ATP8A2: variants seen among roughly 807,000 people sequenced by gnomAD.
ATP8A2 encodes ATPase phospholipid transporting 8A2, also known as phospholipid-transporting ATPase IB.
Under a neutral mutation model 165.6 loss-of-function variants are expected in ATP8A2, and 100 were observed. The observed-to-expected ratio is 0.60, with a 90% confidence interval of 0.51 to 0.71. The LOEUF (loss-of-function observed/expected upper bound fraction) is 0.71. Among genes scored for constraint, ATP8A2 ranks in the 30% least tolerant of loss-of-function variants. The pLI, the probability that ATP8A2 is intolerant of heterozygous loss-of-function variation, is 0.00. For synonymous variants in ATP8A2, 543 were observed against 548.8 expected, an observed-to-expected ratio of 0.99 and a Z score of 0.15; for missense variants, 1,227 against 1,479.5, an observed-to-expected ratio of 0.83 and a Z score of 2.80.
intron 33 of ATP8A2, among the ~76,000 whole-genome samples, chr13:25,866,470 C>A (rs1387380917): frequency 6.6e-6 from 1 of 152,054 alleles, no homozygotes; most frequent in African/African-American, 2.4e-5. Context: ...ATTCTTTTAG[C>A]CAAAGAATTT....
At chr13:25,736,848 G>A (rs1391354368) in intron 25 of ATP8A2, among the ~76,000 whole-genome samples, 5 of 152,126 alleles carry the variant, frequency 3.3e-5, no homozygotes, top group Non-Finnish European at 7.3e-5. Flanking sequence ...TGTCCAGACA[G>A]GCACCCCAGG....
At chr13:25,651,441 A>T (rs1249834528) in intron 24 of ATP8A2, among the ~76,000 whole-genome samples, 2 of 134,824 alleles carry the variant, frequency 1.5e-5, no homozygotes, top group African/African-American at 2.8e-5. Context: ...GACTGTTTCA[A>T]AAAAAAAAAA....
At chr13:25,539,296 T>G (rs181206705) in intron 7 of ATP8A2, among the ~76,000 whole-genome samples, 1 of 152,076 alleles carries the variant, frequency 6.6e-6, no homozygotes, top group African/African-American at 2.4e-5. Context: ...GGCTCATTTT[T>G]AAAAATTTTT....
intron 35 of ATP8A2, among the ~76,000 whole-genome samples, chr13:25,982,067 T>G (rs1197399897): frequency 1.3e-5 from 2 of 152,152 alleles, no homozygotes; most frequent in Non-Finnish European, 2.9e-5. Context: ...ATGGGAGAAA[T>G]TTTAGATTCT....
chr13:25,808,010 G>A (rs527836394), intron 27 of ATP8A2, among the ~76,000 whole-genome samples: 3 of 151,108 alleles, frequency 2.0e-5, no homozygotes, highest in African/African-American at 7.3e-5. Context: ...GACACTTTTG[G>A]AGATATTTTC....
chr13:25,428,573 C>A (rs908224146), intron 1 of ATP8A2, among the ~76,000 whole-genome samples: 1 of 152,128 alleles, frequency 6.6e-6, no homozygotes, highest in Non-Finnish European at 1.5e-5. Flanking sequence ...ACCCTCCCTG[C>A]AGGAGTCAAG....
chr13:25,557,876 A>G (rs959975348), intron 13 of ATP8A2, among the ~76,000 whole-genome samples: 2 of 152,180 alleles, frequency 1.3e-5, no homozygotes, highest in African/African-American at 4.8e-5. Flanking sequence ...GCAAATCTTA[A>G]TAAGCCCTTA....
intron 24 of ATP8A2, among the ~76,000 whole-genome samples, chr13:25,622,864 T>C (rs1027529663): frequency 1.4e-4 from 22 of 152,314 alleles, no homozygotes; most frequent in African/African-American, 5.3e-4. Flanking sequence ...ATACTCAACA[T>C]GTAGTACTTA....
At chr13:25,892,470 G>GTCTCTCTCTCTCTCTCTCTCTC (rs1194079051) in intron 33 of ATP8A2, among the ~76,000 whole-genome samples, 1 of 115,066 alleles carries the variant, frequency 8.7e-6, no homozygotes, top group African/African-American at 5.1e-5. Flanking sequence ...CTCTCTCTCT[G>GTCTCTCTCTCTCTCTCTCTCTC]TCTCTCTGTC....
intron 24 of ATP8A2, among the ~76,000 whole-genome samples, chr13:25,622,096 C>T (rs1349815449): frequency 1.3e-5 from 2 of 151,572 alleles, no homozygotes; most frequent in African/African-American, 2.4e-5. Context: ...ATCCCAGCTA[C>T]TTGGGAGGCT....
intron 10 of ATP8A2, among the ~76,000 whole-genome samples, chr13:25,545,798 C>T (rs1241366504): frequency 6.6e-6 from 1 of 152,120 alleles, no homozygotes; most frequent in Non-Finnish European, 1.5e-5. Context: ...CCATGCCCGG[C>T]TAATTTTTGT....
intron 25 of ATP8A2, among the ~76,000 whole-genome samples, chr13:25,717,375 T>C (rs1471147428): frequency 2.0e-5 from 3 of 150,564 alleles, no homozygotes; most frequent in African/African-American, 4.9e-5. Flanking sequence ...AGGCTCTCTA[T>C]TGAGCTCTGT....
chr13:25,414,402 G>A lies in ATP8A2; in HGVS notation c.76+42114G>A, dbSNP rs138396084. 3.0e-3 allele frequency among the ~76,000 whole-genome samples: 460 copies of A among 152,172 alleles called. 5 individuals carry two copies. The highest frequency in any genetic ancestry group is 0.01 in the African/African-American group (432 of 41,494). ...AGATAGGGTTTCACCATATTGGCCA[G>A]GCTGGTCTTGAACTCCTGACCTCAG... On this transcript the variant is annotated intron_variant, in intron 1 of 36. Transcript: ENST00000381655.
In ATP8A2 at chr13:25,646,670, A is replaced by AC. The variant is rs2041681408; in HGVS notation, c.2212-52503_2212-52502insC. Among the ~76,000 whole-genome samples the AC allele has an allele frequency of 1.8e-4, 25 of 138,798 alleles. No homozygotes were observed. The Admixed American group carries it at 1.8e-3, about 10-fold the overall frequency. The allele number at this position is 138,798 out of a possible 152,430, so 91.1% of individuals were successfully genotyped here. A position where few individuals can be genotyped will look rare whatever the true frequency, so the allele number is the denominator to read the frequency against. On this transcript the variant is annotated intron_variant, in intron 24 of 36. Transcript: ENST00000381655. Reference sequence around the variant, plus strand: ...ACTCCATCTCAAAAAAAAAAAAAAAAACACACAAAAGAATCATTTAGTCAC... The same window carrying AC: ...ACTCCATCTCAAAAAAAAAAAAAAAACACACACAAAAGAATCATTTAGTCAC...
intron 24 of ATP8A2, among the ~76,000 whole-genome samples, chr13:25,630,085 C>T (rs9671101): frequency 3.3e-5 from 5 of 151,476 alleles, no homozygotes; most frequent in Non-Finnish European, 7.4e-5. Context: ...TTGTCCCCCC[C>T]CCACCACCAA....
intron 36 of ATP8A2, among the ~76,000 whole-genome samples, chr13:26,013,661 C>G (rs1392142506): frequency 1.6e-5 from 2 of 128,612 alleles, no homozygotes; most frequent in African/African-American, 5.8e-5. Context: ...GCAACAAGAG[C>G]GAAACTTGGT....
chr13:25,711,384 A>G (rs2043155407), intron 25 of ATP8A2, among the ~76,000 whole-genome samples: 3 of 152,072 alleles, frequency 2.0e-5, no homozygotes, highest in Non-Finnish European at 2.9e-5. Context: ...AGATAATGGT[A>G]TGGAATTAAA....
chr13:25,452,256 C>T (rs928738897), intron 1 of ATP8A2, among the ~76,000 whole-genome samples: 4 of 152,224 alleles, frequency 2.6e-5, no homozygotes, highest in East Asian at 1.9e-4. Context: ...AATGGAAAAA[C>T]GGGTGACCAC....
chr13:25,952,245 G>A lies in ATP8A2; in HGVS notation c.3184-9330G>A, dbSNP rs980236696. ...ATTGACACCAAGCTCTAGGCATTTC[G>A]TACAGGGAGAGAGTGGGCATGAATG... On this transcript the variant is annotated intron_variant, in intron 33 of 36. Transcript: ENST00000381655. 1.6e-4 allele frequency among the ~76,000 whole-genome samples: 24 copies of A among 152,294 alleles called. 1 individual carries two copies. The highest frequency in any genetic ancestry group is 7.2e-4 in the Admixed American group (11 of 15,298).
Sources: allele counts gnomAD v4.1 joint callset (sites outside exome capture counted in the v4.1 genomes callset), GRCh38; gene constraint gnomAD v4.1.1; transcripts MANE v1.5; gene names NCBI Gene and HGNC (gene_info 2026-07-23, HGNC 2026-07-21).